The following ERBIN variants were observed in gnomAD, a reference collection of about 807,000 sequenced individuals.
The protein encoded by ERBIN is erbb2 interacting protein, also known as densin-180-like protein.
In ERBIN, 60 loss-of-function variants were observed where a neutral mutation model predicts 158.4. That is an observed-to-expected ratio of 0.38 (90% CI 0.31 to 0.47). The LOEUF (loss-of-function observed/expected upper bound fraction) is 0.47. Among genes scored for constraint, ERBIN ranks in the 20% least tolerant of loss-of-function variants. ERBIN has a pLI of 0.99. For synonymous variants in ERBIN, 594 were observed against 557.2 expected, an observed-to-expected ratio of 1.07 and a Z score of -0.93; for missense variants, 1,610 against 1,648.0, an observed-to-expected ratio of 0.98 and a Z score of 0.40.
At chr5:65,932,882 G>C (rs560252247) in intron 1 of ERBIN, among the ~76,000 whole-genome samples, 5 of 151,886 alleles carry the variant, frequency 3.3e-5, no homozygotes, top group African/African-American at 1.2e-4. Flanking sequence ...CTGCAGCCTC[G>C]GACTCCTGGG....
chr5:65,940,113 C>T (rs1333016029), intron 1 of ERBIN, among the ~76,000 whole-genome samples: 25 of 151,546 alleles, frequency 1.6e-4, no homozygotes, highest in Non-Finnish European at 3.1e-4. Context: ...AGCGCCTCTT[C>T]CCGGCCGCCA....
chr5:66,049,115 A>AAT (rs1266930885), intron 19 of ERBIN, among the ~76,000 whole-genome samples: 1 of 152,100 alleles, frequency 6.6e-6, no homozygotes, highest in Non-Finnish European at 1.5e-5. Context: ...CAATGAGGCT[A>AAT]ATGAAGGATT....
In ERBIN at chr5:66,054,353, G is replaced by T. The variant is rs753974414; in HGVS notation, c.3035G>T (p.Arg1012Ile). The T allele has an allele frequency of 1.2e-6, 2 of 1,614,116 alleles. No individual in the cohort carries two copies. The highest frequency in any genetic ancestry group is 1.1e-5 in the South Asian group (1 of 91,080). Reference sequence around the variant, plus strand: ...AGTTTTCCTCCTCAGCTCCTTCCTAGATCAGAGAGCACAGAAAATCAAAGT... The same window carrying T: ...AGTTTTCCTCCTCAGCTCCTTCCTATATCAGAGAGCACAGAAAATCAAAGT... ...HASFPPQLLPRSESTENQSYA... is the reference protein window; with the variant it reads ...HASFPPQLLPISESTENQSYA... The change falls in exon 21 of 26, where the codon AGA (arginine) becomes ATA (isoleucine). Residue 1012 changes from arginine (R) to isoleucine (I), a missense_variant. By Grantham distance (97) the Arg-to-Ile change is moderately conservative (BLOSUM62 -3). Coordinates refer to ENST00000284037, the MANE Select transcript of ERBIN (RefSeq NM_001253697.2).
rs905544653 is a variant in ERBIN, at chr5:66,078,767, A to G, written c.*237A>G. 10 of 448,348 alleles carry G rather than the reference A, an allele frequency of 2.2e-5. No individual in the cohort carries two copies. The highest frequency in any genetic ancestry group is 1.6e-4 in the Admixed American group (4 of 24,598). The allele number at this position is 448,348 out of a possible 1,614,324, so 27.8% of individuals were successfully genotyped here. A position where few individuals can be genotyped will look rare whatever the true frequency, so the allele number is the denominator to read the frequency against. ...ACTTGTTAGGTTTTTAAACATAGCA[A>G]TCAAGGCTACAAAAACAAACCTGTG... On this transcript the variant is annotated 3_prime_UTR_variant, in exon 26 of 26. Transcript: ENST00000284037.
chr5:66,002,159 G>A (rs1753074413), intron 4 of ERBIN, among the ~76,000 whole-genome samples: 1 of 152,030 alleles, frequency 6.6e-6, no homozygotes, highest in Non-Finnish European at 1.5e-5. Context: ...CTTTTTTATG[G>A]CTGCATAATA....
intron 1 of ERBIN, among the ~76,000 whole-genome samples, chr5:65,927,805 A>G (rs967158547): frequency 1.3e-5 from 2 of 152,228 alleles, no homozygotes; most frequent in African/African-American, 4.8e-5. Context: ...ACATTCCACC[A>G]GTCAGAGCTA....
intron 1 of ERBIN, among the ~76,000 whole-genome samples, chr5:65,987,435 G>A (rs1277024969): frequency 1.3e-5 from 2 of 150,332 alleles, no homozygotes; most frequent in Admixed American, 1.3e-4. Flanking sequence ...GGTGGTGCAC[G>A]CTTATAGTCC....
At chr5:66,040,725 A>T (rs543519626) in intron 15 of ERBIN, among the ~76,000 whole-genome samples, 1 of 152,016 alleles carries the variant, frequency 6.6e-6, no homozygotes, top group African/African-American at 2.4e-5. Context: ...ATTTGAGAGA[A>T]TTAGGCACTG....
chr5:65,943,708 CAAATA>C (rs1745363083), intron 1 of ERBIN, among the ~76,000 whole-genome samples: 1 of 152,146 alleles, frequency 6.6e-6, no homozygotes, highest in Non-Finnish European at 1.5e-5. Flanking sequence ...TGATAAAATA[CAAATA>C]AAATATCTTA....
chr5:65,952,253 C>G (rs954420415), intron 1 of ERBIN, among the ~76,000 whole-genome samples: 1 of 152,030 alleles, frequency 6.6e-6, no homozygotes, highest in African/African-American at 2.4e-5. Flanking sequence ...GCAGTATATT[C>G]TATTAATCTG....
chr5:66,021,306 A>G lies in ERBIN; in HGVS notation c.534-16A>G, dbSNP rs201186349. On this transcript the variant is annotated splice_polypyrimidine_tract_variant and intron_variant, in intron 7 of 25. Coordinates refer to ENST00000284037, the MANE Select transcript of ERBIN (RefSeq NM_001253697.2). ...ATATTTTTCTAGTTAATTTTTCATT[A>G]CTCCATTATGAACAGAACTATGAAT... The G allele has an allele frequency of 3.9e-6, 6 of 1,519,232 alleles. No homozygotes were observed. In the Admixed American group the frequency reaches 9.3e-5, roughly 24 times the overall value. 94.1% of individuals were successfully genotyped at this position (1,519,232 alleles called of 1,614,324 possible). A position where few individuals can be genotyped will look rare whatever the true frequency, so the allele number is the denominator to read the frequency against.
In ERBIN at chr5:66,075,176, ATATACAC is replaced by A; in HGVS notation, c.3910_3916del (p.Tyr1304SerfsTer19). On this transcript the variant is annotated frameshift_variant, in exon 23 of 26. Transcript: ENST00000284037. LOFTEE classifies it high-confidence loss of function. ...TGCTGAAAGTGGCCCACCAGCCTCC[ATATACAC>A]AGCCCCATTGTTCTCCTAGACAAGG... 1 of 1,614,210 alleles carries A rather than the reference ATATACAC, an allele frequency of 6.2e-7. No individual in the cohort carries two copies.
chr5:65,962,909 T>A (rs1357996809), intron 1 of ERBIN, among the ~76,000 whole-genome samples: 1 of 152,200 alleles, frequency 6.6e-6, no homozygotes. Context: ...TGCTTTTGAT[T>A]TGTAATTCTT....
chr5:66,023,389 C>T (rs1259842077), intron 9 of ERBIN, 25 bp downstream of exon 9: 18 of 1,494,086 alleles, frequency 1.2e-5, no homozygotes, highest in Non-Finnish European at 1.7e-5. Context: ...TTTTAAATGG[C>T]ATCACTTATT....
intron 7 of ERBIN, among the ~76,000 whole-genome samples, chr5:66,018,092 T>G (rs901195892): frequency 1.3e-5 from 2 of 152,008 alleles, no homozygotes; most frequent in African/African-American, 4.8e-5. Flanking sequence ...TAGTACAATT[T>G]GAAGTCTAGT....
intron 21 of ERBIN, among the ~76,000 whole-genome samples, chr5:66,071,644 G>C (rs910142911): frequency 6.6e-6 from 1 of 151,172 alleles, no homozygotes; most frequent in African/African-American, 2.4e-5. Context: ...GACTATAAGT[G>C]TATTGGTTCT....
intron 15 of ERBIN, among the ~76,000 whole-genome samples, chr5:66,040,573 C>T (rs7711063): frequency 0.058 from 8,762 of 150,802 alleles, 884 homozygotes; most frequent in African/African-American, 0.2. Flanking sequence ...CTAAAGTATC[C>T]CATGGGTATT....
In ERBIN at chr5:66,029,685, A is replaced by T. The variant is rs1756648552; in HGVS notation, c.1206+1342A>T. Reference sequence around the variant, plus strand: ...AGTGACGTGACCTCAGCTCACTGCAACCTCCACCTCCTGGGTTCAAGCGAT... The same window carrying T: ...AGTGACGTGACCTCAGCTCACTGCATCCTCCACCTCCTGGGTTCAAGCGAT... On this transcript the variant is annotated intron_variant, in intron 14 of 25. Transcript: ENST00000284037. Among the ~76,000 whole-genome samples, 2 of 151,788 alleles carry T rather than the reference A, an allele frequency of 1.3e-5. 1 individual carries two copies. The highest frequency in any genetic ancestry group is 1.3e-4 in the Admixed American group (2 of 15,232).
intron 1 of ERBIN, among the ~76,000 whole-genome samples, chr5:65,972,361 G>A (rs1373898999): frequency 6.6e-6 from 1 of 151,424 alleles, no homozygotes; most frequent in African/African-American, 2.5e-5. Flanking sequence ...TTGATGTTAC[G>A]CAAATGCTAT....
Sources: allele counts gnomAD v4.1 joint callset (sites outside exome capture counted in the v4.1 genomes callset), GRCh38; gene constraint gnomAD v4.1.1; transcripts MANE v1.5; gene names NCBI Gene and HGNC (gene_info 2026-07-23, HGNC 2026-07-21).